Variants in LCORL observed in about 807,000 individuals in gnomAD.
LCORL encodes the protein ligand dependent nuclear receptor corepressor like.
In LCORL, 41 loss-of-function variants were observed where a neutral mutation model predicts 141.8. The ratio of observed to expected loss-of-function variants is 0.29; its 90% CI spans 0.23 to 0.38. The LOEUF (loss-of-function observed/expected upper bound fraction) is 0.38. Among genes scored for constraint, LCORL ranks in the 10% least tolerant of loss-of-function variants. LCORL has a pLI of 1.00. For missense variants in LCORL, 1,759 were observed against 2,035.0 expected (o/e 0.86, Z 2.61); for synonymous variants, 618 against 694.1 (o/e 0.89, Z 1.72).
At chr4:17,922,374 G>A (rs1342380696) in intron 4 of LCORL, among the ~76,000 whole-genome samples, 1 of 152,128 alleles carries the variant, frequency 6.6e-6, no homozygotes, top group African/African-American at 2.4e-5. Context: ...TAAAATAAAT[G>A]CATTTGATAC....
At chr4:18,014,258 G>C (rs555851081) in intron 1 of LCORL, among the ~76,000 whole-genome samples, 5 of 152,146 alleles carry the variant, frequency 3.3e-5, no homozygotes, top group African/African-American at 1.2e-4. Context: ...GAAGAAGCAG[G>C]CTGGTAAACT....
At chr4:17,853,045 CTTGATT>C (rs1723945771) in intron 7 of LCORL, among the ~76,000 whole-genome samples, 1 of 128,564 alleles carries the variant, frequency 7.8e-6, no homozygotes, top group Non-Finnish European at 1.6e-5. Flanking sequence ...GTGCTAAAAG[CTTGATT>C]TTTTTTTTTT....
At chr4:17,954,251 T>A (rs1712109828) in intron 4 of LCORL, among the ~76,000 whole-genome samples, 2 of 152,184 alleles carry the variant, frequency 1.3e-5, no homozygotes, top group South Asian at 4.2e-4. Context: ...GGGCAGTGCA[T>A]CGTCAGGAGA....
intron 1 of LCORL, among the ~76,000 whole-genome samples, chr4:17,999,476 T>C (rs1466105851): frequency 6.7e-6 from 1 of 150,098 alleles, no homozygotes; most frequent in African/African-American, 2.4e-5. Context: ...AAGAACAGGA[T>C]GTCGAAGACA....
intron 1 of LCORL, among the ~76,000 whole-genome samples, chr4:18,000,345 T>C (rs1721747250): frequency 6.6e-6 from 1 of 152,114 alleles, no homozygotes; most frequent in African/African-American, 2.4e-5. Flanking sequence ...AGAGTGATTA[T>C]CACTGCACAA....
At chr4:17,882,408 A>G in intron 6 of LCORL, 1 of 984,638 alleles carries the variant, frequency 1.0e-6, no homozygotes, top group Non-Finnish European at 1.2e-6. Flanking sequence ...CTACAGTTGC[A>G]TACTCCATAA....
At position 17,841,600 on chromosome 4, in the gene LCORL, T is replaced by C. The variant is rs184430187; in HGVS notation, c.*4288A>G. The C allele has an allele frequency of 2.0e-3, 297 of 151,804 alleles. 3 individuals are homozygous for C. Among genetic ancestry groups the C allele is most frequent in the African/African-American group, 6.8e-3 (280 of 41,456 alleles). The allele number at this position is 151,804 out of a possible 1,614,324, so 9.4% of individuals were successfully genotyped here. ...ATTGAACAGTTTGGTTTTGATCAGA[T>C]TTTTTTTGTGGTATATCACACCATG... On this transcript the variant is annotated 3_prime_UTR_variant, in exon 8 of 8. Coordinates refer to ENST00000635767, the Ensembl canonical transcript of LCORL.
intron 7 of LCORL, among the ~76,000 whole-genome samples, chr4:17,870,546 G>A (rs569851835): frequency 8.2e-4 from 124 of 152,016 alleles, no homozygotes; most frequent in Admixed American, 1.3e-3. Context: ...ACTGGAATTG[G>A]CTATCCATTT....
At chr4:17,870,120 A>G (rs1254997109) in intron 7 of LCORL, among the ~76,000 whole-genome samples, 1 of 152,044 alleles carries the variant, frequency 6.6e-6, no homozygotes, top group Non-Finnish European at 1.5e-5. Flanking sequence ...CTCAGTTCTG[A>G]TAAATTACTC....
chr4:17,880,382 C>A, intron 6 of LCORL: 1 of 807,374 alleles, frequency 1.2e-6, no homozygotes, highest in Non-Finnish European at 1.5e-6. Context: ...ATATAAGGTT[C>A]TAAAATTGTA....
chr4:17,995,628 T>C (rs1720792859), intron 1 of LCORL, among the ~76,000 whole-genome samples: 1 of 152,148 alleles, frequency 6.6e-6, no homozygotes, highest in African/African-American at 2.4e-5. Flanking sequence ...GAGGAATAAA[T>C]ACATGTACAA....
chr4:17,875,846 C>T, exon 7 of LCORL: 1 of 1,231,130 alleles, frequency 8.1e-7, no homozygotes, highest in Non-Finnish European at 1.0e-6. Flanking sequence ...CACCTATAAA[C>T]ATTGTAGAGG....
exon 8 of LCORL, chr4:17,842,520 A>T: frequency 1.5e-6 from 1 of 662,436 alleles, no homozygotes; most frequent in Non-Finnish European, 2.6e-6. Context: ...TTAGGTATAT[A>T]GTCTAAAATT....
chr4:18,012,514 CAT>C (rs1723963916), intron 1 of LCORL, among the ~76,000 whole-genome samples: 1 of 152,110 alleles, frequency 6.6e-6, no homozygotes, highest in Admixed American at 6.5e-5. Flanking sequence ...AAAGAAGAAA[CAT>C]AAAATTATAC....
At chr4:17,956,723 G>T (rs1010394022) in intron 4 of LCORL, among the ~76,000 whole-genome samples, 8 of 151,958 alleles carry the variant, frequency 5.3e-5, no homozygotes, top group African/African-American at 1.9e-4. Context: ...TTTAGTGTTT[G>T]ATGGTACAGT....
rs761784734 is a variant in LCORL, at chr4:17,897,213, CTTTTTTT to C, written c.683-11059_683-11053del. On this transcript the variant is annotated intron_variant, in intron 5 of 7. Transcript: ENST00000635767. ...AGACTTCTCTTTGATATACTGATTT[CTTTTTTT>C]TTTTTTTTTTTTTTTTTTTTTTTTT... 5.2e-4 allele frequency among the ~76,000 whole-genome samples: 33 copies of C among 63,992 alleles called. 2 individuals are homozygous for C. The East Asian group carries it at 6.4e-3, about 12-fold the overall frequency. The allele number at this position is 63,992 out of a possible 152,430, so 42.0% of individuals were successfully genotyped here. A position where few individuals can be genotyped will look rare whatever the true frequency, so the allele number is the denominator to read the frequency against.
At chr4:17,875,501 T>C in exon 7 of LCORL, 1 of 1,231,394 alleles carries the variant, frequency 8.1e-7, no homozygotes, top group Middle Eastern at 3.1e-4. Context: ...TAAGGTTGCT[T>C]ATGTTTACCC....
intron 4 of LCORL, among the ~76,000 whole-genome samples, chr4:17,929,626 C>A (rs186243213): frequency 4.3e-4 from 65 of 152,180 alleles, no homozygotes; most frequent in Non-Finnish European, 6.6e-4. Flanking sequence ...CAAAATGGAT[C>A]AAAGATCCAA....
At chr4:17,972,780 A>G (rs1716229156) in intron 2 of LCORL, 40 bp downstream of exon 2, 3 of 1,004,400 alleles carry the variant, frequency 3.0e-6, no homozygotes, top group South Asian at 2.1e-5. Flanking sequence ...GTTAAATAGG[A>G]TGGGAAATGA....
Sources: allele counts gnomAD v4.1 joint callset (sites outside exome capture counted in the v4.1 genomes callset), GRCh38; gene constraint gnomAD v4.1.1; transcripts MANE v1.5; gene names NCBI Gene and HGNC (gene_info 2026-07-23, HGNC 2026-07-21).